MAPK13: variants seen among roughly 807,000 people sequenced by gnomAD.
The protein encoded by MAPK13 is MAP kinase 13.
MAPK13 carries 39 observed loss-of-function variants against 53.5 expected under a neutral mutation model. The observed-to-expected ratio is 0.73, with a 90% CI of 0.56 to 0.95. The LOEUF is 0.95. Among genes scored for constraint, MAPK13 ranks in the 40% least tolerant of loss-of-function variants. The pLI is 0.00. For synonymous variants in MAPK13, 179 were observed against 190.9 expected, an observed-to-expected ratio of 0.94 and a Z score of 0.51; for missense variants, 460 against 471.8, an observed-to-expected ratio of 0.98 and a Z score of 0.23.
chr6:36,131,943 C>A (rs1292181340), intron 2 of MAPK13, among the ~76,000 whole-genome samples: 2 of 152,208 alleles, frequency 1.3e-5, no homozygotes, highest in African/African-American at 4.8e-5. Flanking sequence ...GCGAGGCTCC[C>A]GGTCTGAGCA....
Position 36,130,816 on chromosome 6 carries a change from C to A in MAPK13, c.119+115C>A. On this transcript the variant is annotated intron_variant, in intron 1 of 11. Coordinates refer to ENST00000211287, the MANE Select transcript of MAPK13 (RefSeq NM_002754.5). This position sits in a 1 kb window ranked among gnomAD's most constrained non-coding sequence, Gnocchi z 4.5. Reference sequence around the variant, plus strand: ...GCCACCTTGACCGCGGACCTCAAGGCCCAGCGCCCTCCCCGGGGCCACCCA... The same window carrying A: ...GCCACCTTGACCGCGGACCTCAAGGACCAGCGCCCTCCCCGGGGCCACCCA... 1.8e-6 allele frequency: 1 copy of A among 558,864 alleles called. No individual in the cohort carries two copies. The highest frequency in any genetic ancestry group is 3.1e-6 in the Non-Finnish European group (1 of 324,750). 34.6% of individuals were successfully genotyped at this position (558,864 alleles called of 1,614,324 possible). A position where few individuals can be genotyped will look rare whatever the true frequency, so the allele number is the denominator to read the frequency against.
chr6:36,134,862 A>G (rs1766384707), intron 3 of MAPK13, among the ~76,000 whole-genome samples: 1 of 152,192 alleles, frequency 6.6e-6, no homozygotes, highest in Admixed American at 6.5e-5. Context: ...AAGAATACAA[A>G]AATTAGCTGG....
At chr6:36,131,228 C>T (rs1256638765) in intron 1 of MAPK13, 43 bp from the exon 2 acceptor site, 1 of 1,593,914 alleles carries the variant, frequency 6.3e-7, no homozygotes, top group East Asian at 2.2e-5. Flanking sequence ...GAGATACGGC[C>T]CAGGAGGAGA....
chr6:36,131,516 A>AAT, intron 2 of MAPK13, 116 bp downstream of exon 2: 2 of 1,025,536 alleles, frequency 2.0e-6, no homozygotes, highest in Non-Finnish European at 2.8e-6. Context: ...TGCTCCCCTG[A>AAT]CGGTGCCTCT....
rs1355540536 is a variant in MAPK13, at chr6:36,131,280, C to T, written c.129C>T (p.Ile43=). 1 of 1,612,774 alleles carries T rather than the reference C, an allele frequency of 6.2e-7. No individual in the cohort carries two copies. The highest frequency in any genetic ancestry group is 8.5e-7 in the Non-Finnish European group (1 of 1,179,274). The stretch of plus-strand genomic sequence containing the variant: ...GGCCTGTGCCCGACAGCTCGGCCAT[C>T]GACAAGCGGTCAGGGGAGAAGGTGG... ...SGAYGSVCSA[I]DKRSGEKVAI... Residue 43 remains isoleucine (I), a synonymous_variant, in exon 2 of 12, where the codon ATC becomes ATT. Coordinates refer to ENST00000211287, the MANE Select transcript of MAPK13 (RefSeq NM_002754.5).
At chr6:36,133,691 G>T (rs2127486050) in intron 3 of MAPK13, among the ~76,000 whole-genome samples, 1 of 152,320 alleles carries the variant, frequency 6.6e-6, no homozygotes, top group East Asian at 1.9e-4. Flanking sequence ...GGAGACGAAG[G>T]TCTGGGCTAG....
Position 36,137,431 on chromosome 6 carries a change from C to T in MAPK13, c.682+481C>T, listed in dbSNP as rs549811561. Among the ~76,000 whole-genome samples the T allele has an allele frequency of 3.3e-5, 5 of 152,196 alleles. No individual in the cohort carries two copies. The South Asian group carries it at 8.3e-4, about 25-fold the overall frequency. ...TCAGGAGGCTGAGGCAGGAGAATGG[C>T]GTGAACCCAGGAGGTGGAGCTTGCA... On this transcript the variant is annotated intron_variant, in intron 8 of 11. Transcript: ENST00000211287.
rs774846986 is a variant in MAPK13, at chr6:36,131,418, C to CATGAACGTAGGT, written c.249+18_249+19insATGAACGTAGGT. On this transcript the variant is annotated intron_variant, in intron 2 of 11. Transcript: ENST00000211287. ...ATGAGAACGTAGGTGGTGGCTGCCC[C>CATGAACGTAGGT]GGGGAGGGGGTGGGGGCTGCCCTGG... The CATGAACGTAGGT allele has an allele frequency of 6.2e-7, 1 of 1,604,620 alleles. No individual in the cohort carries two copies. Among genetic ancestry groups the CATGAACGTAGGT allele is most frequent in the Admixed American group, 1.7e-5 (1 of 59,540 alleles).
chr6:36,137,649 CAAAAA>C lies in MAPK13; in HGVS notation c.683-700_683-696del, dbSNP rs71540139. Among the ~76,000 whole-genome samples, 11 of 120,200 alleles carry C rather than the reference CAAAAA, an allele frequency of 9.2e-5. No individual in the cohort carries two copies. In the East Asian group the frequency reaches 1.3e-3, roughly 14 times the overall value. 78.9% of individuals were successfully genotyped at this position (120,200 alleles called of 152,430 possible). A position where few individuals can be genotyped will look rare whatever the true frequency, so the allele number is the denominator to read the frequency against. ...TGGGTGACAGAGGGAGACCCTAACT[CAAAAA>C]AAAAAAAAAAAAAAACAAAATGTTG... On this transcript the variant is annotated intron_variant, in intron 8 of 11. Transcript: ENST00000211287.
chr6:36,138,949 C>T lies in MAPK13; in HGVS notation c.912C>T (p.Thr304=). 1.2e-6 allele frequency: 2 copies of T among 1,613,794 alleles called. No homozygotes were observed. Among genetic ancestry groups the T allele is most frequent in the Non-Finnish European group, 1.7e-6 (2 of 1,179,842 alleles). The part of the protein sequence containing the change: ...DKRLTAAQAL[T]HPFFEPFRDP... The stretch of plus-strand genomic sequence containing the variant: ...GCCTGACGGCCGCGCAGGCCCTCAC[C>T]CATCCCTTCTTTGAACCCTTCCGGG... The change falls in exon 11 of 12, where the codon ACC becomes ACT. Residue 304 remains threonine (T), a synonymous_variant. Coordinates refer to ENST00000211287, the MANE Select transcript of MAPK13 (RefSeq NM_002754.5).
intron 1 of MAPK13, 137 bp from the exon 2 acceptor site, chr6:36,131,134 T>TC: frequency 9.8e-7 from 1 of 1,023,574 alleles, no homozygotes; most frequent in Non-Finnish European, 1.4e-6. Context: ...CTGCCCTGCG[T>TC]CCCGCGGCTC....
Position 36,130,727 on chromosome 6 carries a change from C to A in MAPK13, c.119+26C>A. On this transcript the variant is annotated intron_variant, in intron 1 of 11. Coordinates refer to ENST00000211287, the MANE Select transcript of MAPK13 (RefSeq NM_002754.5). This position sits in a 1 kb window ranked among gnomAD's most constrained non-coding sequence, Gnocchi z 4.5. Reference sequence around the variant, plus strand: ...GTGAGACCCCTGGGCCGCTGGGGGGCGGGGGGCGGGCGCCAGGCTCTCCCC... The same window carrying A: ...GTGAGACCCCTGGGCCGCTGGGGGGAGGGGGGCGGGCGCCAGGCTCTCCCC... The A allele has an allele frequency of 2.1e-6, 1 of 476,512 alleles. No individual in the cohort carries two copies. Among genetic ancestry groups the A allele is most frequent in the Non-Finnish European group, 3.4e-6 (1 of 298,060 alleles). 29.5% of individuals were successfully genotyped at this position (476,512 alleles called of 1,614,324 possible).
intron 11 of MAPK13, 114 bp downstream of exon 11, chr6:36,139,169 G>A: frequency 7.3e-7 from 1 of 1,375,896 alleles, no homozygotes; most frequent in Non-Finnish European, 1.0e-6. Flanking sequence ...TTCTTGGTGG[G>A]CATTGTCTCC....
Position 36,131,425 on chromosome 6 carries a change from G to T in MAPK13, c.249+25G>T, listed in dbSNP as rs201173652. On this transcript the variant is annotated intron_variant, in intron 2 of 11. Transcript: ENST00000211287. ...CGTAGGTGGTGGCTGCCCCGGGGAG[G>T]GGGTGGGGGCTGCCCTGGGGAGTCA... The T allele has an allele frequency of 3.1e-6, 5 of 1,603,652 alleles. No homozygotes were observed. In the Admixed American group the frequency reaches 5.0e-5, roughly 16 times the overall value.
intron 9 of MAPK13, 54 bp downstream of exon 9, chr6:36,138,498 G>C: frequency 6.5e-7 from 1 of 1,547,662 alleles, no homozygotes; most frequent in South Asian, 1.1e-5. Flanking sequence ...GCCTGACGTG[G>C]GCCCAGTGGG....
At chr6:36,139,235 G>T in intron 11 of MAPK13, 59 bp from the exon 12 acceptor site, 1 of 1,521,842 alleles carries the variant, frequency 6.6e-7, no homozygotes, top group South Asian at 1.1e-5. Flanking sequence ...TCTGAAGGGG[G>T]GTGGACTTTC....
intron 4 of MAPK13, 58 bp from the exon 5 acceptor site, chr6:36,135,961 T>C (rs772210438): frequency 2.0e-4 from 329 of 1,610,166 alleles, no homozygotes; most frequent in Non-Finnish European, 2.7e-4. Flanking sequence ...TCGGCCAGCC[T>C]GAAGTGCCTG....
At position 36,134,320 on chromosome 6, in the gene MAPK13, A is replaced by AAAC. The variant is rs143995200; in HGVS notation, c.309-1412_309-1410dup. On this transcript the variant is annotated intron_variant, in intron 3 of 11. Coordinates refer to ENST00000211287, the MANE Select transcript of MAPK13 (RefSeq NM_002754.5). ...AGATGCCTCCAGCATGTCCTTTCAAAAACAACAACAACAACAACAACAAAA... is the reference window on the plus strand; with the variant it reads ...AGATGCCTCCAGCATGTCCTTTCAAAAACAACAACAACAACAACAACAACAAAA... 7.1e-4 allele frequency among the ~76,000 whole-genome samples: 108 copies of AAAC among 152,190 alleles called. 1 individual carries two copies. Among genetic ancestry groups the AAAC allele is most frequent in the South Asian group, 5.0e-3 (24 of 4,820 alleles).
chr6:36,142,826 T>TGAA lies in MAPK13; in HGVS notation c.*3455_*3457dup, dbSNP rs1766556110. 1 of 151,690 alleles carries TGAA rather than the reference T, an allele frequency of 6.6e-6. No homozygotes were observed. The highest frequency in any genetic ancestry group is 6.6e-5 in the Admixed American group (1 of 15,228). 9.4% of individuals were successfully genotyped at this position (151,690 alleles called of 1,614,324 possible). The stretch of plus-strand genomic sequence containing the variant: ...CTCCCACAGAGTTTTCTCAAATCTG[T>TGAA]GAAGTTTCTTCAAAAGGCGGTGGAG... On this transcript the variant is annotated 3_prime_UTR_variant, in exon 12 of 12. Coordinates refer to ENST00000211287, the MANE Select transcript of MAPK13 (RefSeq NM_002754.5). The surrounding 1 kb of genome is among the most constrained non-coding windows in gnomAD (Gnocchi z 4.4).
Sources: gnomAD v4.1 joint callset for allele counts (sites outside exome capture counted in the v4.1 genomes callset) on GRCh38, gnomAD v4.1.1 for gene constraint, Gnocchi (gnomAD v3.1) non-coding constraint, MANE v1.5 for transcripts, NCBI Gene and HGNC (gene_info 2026-07-23, HGNC 2026-07-21) for gene names.